The following VLDLR variants were observed in gnomAD, a reference collection of about 807,000 sequenced individuals.
The protein encoded by VLDLR is very low-density lipoprotein receptor.
VLDLR carries 81 observed loss-of-function variants against 112.7 expected under a neutral mutation model. The observed-to-expected ratio is 0.72, with a 90% CI of 0.60 to 0.86. The LOEUF (loss-of-function observed/expected upper bound fraction) is 0.86. Among genes scored for constraint, VLDLR ranks in the 40% least tolerant of loss-of-function variants. VLDLR has a pLI of 0.00. For synonymous variants in VLDLR, 436 were observed against 384.8 expected, an observed-to-expected ratio of 1.13 and a Z score of -1.56; for missense variants, 1,237 against 1,099.4, an observed-to-expected ratio of 1.13 and a Z score of -1.77.
intron 2 of VLDLR, among the ~76,000 whole-genome samples, chr9:2,636,187 C>T (rs1817594575): frequency 6.6e-6 from 1 of 152,196 alleles, no homozygotes. Flanking sequence ...TGTATGCAAT[C>T]TATACAACCT....
intron 1 of VLDLR, among the ~76,000 whole-genome samples, chr9:2,632,241 G>A (rs1425015989): frequency 6.6e-6 from 1 of 152,128 alleles, no homozygotes; most frequent in Non-Finnish European, 1.5e-5. Context: ...AGAGGCAGAG[G>A]TGGAACACCC....
At chr9:2,640,605 C>T (rs35486699) in intron 3 of VLDLR, among the ~76,000 whole-genome samples, 3,319 of 152,140 alleles carry the variant, frequency 0.022, 124 homozygotes, top group African/African-American at 0.075. Context: ...TGAGATCACA[C>T]GAATGTCAAG....
At chr9:2,647,370 A>G in intron 11 of VLDLR, 104 bp from the exon 12 acceptor site, 1 of 874,952 alleles carries the variant, frequency 1.1e-6, no homozygotes, top group Non-Finnish European at 1.9e-6. Context: ...GTCACTAGAG[A>G]ATGCCTTGAG....
chr9:2,622,257 G>A lies in VLDLR; in HGVS notation c.68G>A (p.Gly23Asp). The A allele has an allele frequency of 1.3e-6, 2 of 1,491,998 alleles. No individual in the cohort carries two copies. Among genetic ancestry groups the A allele is most frequent in the Non-Finnish European group, 1.8e-6 (2 of 1,127,452 alleles). 92.4% of individuals were successfully genotyped at this position (1,491,998 alleles called of 1,614,324 possible). ...LALCWAPRES[G>D]ATGTGRKAKC... is the part of the protein sequence containing the mutation. ...CTGTGCTGGGCGCCCCGGGAGAGCG[G>A]CGCCACCGGAACCGGTGAGTGAGGA... Residue 23 changes from glycine (G) to aspartate (D), a missense_variant, in exon 1 of 19, where the codon GGC (glycine) becomes GAC (aspartate). Coordinates refer to ENST00000382100, the MANE Select transcript of VLDLR (RefSeq NM_003383.5).
intron 1 of VLDLR, among the ~76,000 whole-genome samples, chr9:2,626,347 C>T (rs1326911094): frequency 1.3e-5 from 2 of 152,180 alleles, no homozygotes; most frequent in East Asian, 1.9e-4. Flanking sequence ...CAACTTGTCA[C>T]GTGATGTCAG....
Position 2,650,407 on chromosome 9 carries a change from A to T in VLDLR, c.2142A>T (p.Gly714=), listed in dbSNP as rs773998105. ...NWCEEDMENG[G]CEYLCLPAPQ... ...GTGAAGAAGACATGGAGAATGGAGG[A>T]TGTGAATACCTATGCCTGCCAGCAC... is the stretch of plus-strand genomic sequence containing the variant. Residue 714 remains glycine (G), a synonymous_variant, in exon 15 of 19, where the codon GGA becomes GGT. Coordinates refer to ENST00000382100, the MANE Select transcript of VLDLR (RefSeq NM_003383.5). 1.2e-6 allele frequency: 2 copies of T among 1,614,130 alleles called. No individual in the cohort carries two copies. The highest frequency in any genetic ancestry group is 1.1e-5 in the South Asian group (1 of 91,074).
In VLDLR at chr9:2,641,574, C is replaced by G; in HGVS notation, c.448+75C>G. 6.2e-6 allele frequency: 10 copies of G among 1,606,766 alleles called. No homozygotes were observed. The South Asian group carries it at 8.9e-5, about 14-fold the overall frequency. On this transcript the variant is annotated intron_variant, in intron 4 of 18. Transcript: ENST00000382100. ...GGAAGGGTGGGCAGGGGAAACTAAT[C>G]TAAGCCTGAAGACGCACTGACATTG...
intron 1 of VLDLR, among the ~76,000 whole-genome samples, chr9:2,623,426 C>T (rs1816930699): frequency 6.6e-6 from 1 of 151,926 alleles, no homozygotes; most frequent in Non-Finnish European, 1.5e-5. Flanking sequence ...CCCTTAACAC[C>T]CGTTCCAGAG....
At chr9:2,634,950 T>C (rs1001277813) in intron 1 of VLDLR, among the ~76,000 whole-genome samples, 1 of 152,218 alleles carries the variant, frequency 6.6e-6, no homozygotes, top group Non-Finnish European at 1.5e-5. Flanking sequence ...TGGCTGATTA[T>C]AGCCACACAC....
At chr9:2,625,152 C>G (rs1464507333) in intron 1 of VLDLR, among the ~76,000 whole-genome samples, 1 of 152,170 alleles carries the variant, frequency 6.6e-6, no homozygotes, top group South Asian at 2.1e-4. Context: ...ATTGAATAAC[C>G]GTAAACTTGA....
intron 6 of VLDLR, 23 bp from the exon 7 acceptor site, chr9:2,643,814 C>G (rs1817936126): frequency 1.2e-6 from 2 of 1,614,212 alleles, no homozygotes; most frequent in Middle Eastern, 1.6e-4. Context: ...CATGGAATCT[C>G]TCTTCTTTGT....
In VLDLR at chr9:2,652,858, T is replaced by A. The variant is rs1586661740; in HGVS notation, c.2495T>A (p.Phe832Tyr). The change falls in exon 18 of 19, where the codon TTT (phenylalanine) becomes TAT (tyrosine). Residue 832 changes from phenylalanine to tyrosine, a missense_variant. Physicochemically the swap from Phe to Tyr is conservative, Grantham distance 22. Coordinates refer to ENST00000382100, the MANE Select transcript of VLDLR (RefSeq NM_003383.5). The part of the protein sequence containing the change: ...WQHKNMKSMN[F>Y]DNPVYLKTTE... ...CACAAGAACATGAAAAGCATGAACT[T>A]TGACAATCCTGTGTACTTGAAAACC... 1 of 1,614,142 alleles carries A rather than the reference T, an allele frequency of 6.2e-7. No homozygotes were observed. The highest frequency in any genetic ancestry group is 1.6e-4 in the Middle Eastern group (1 of 6,062).
chr9:2,653,013 G>T, intron 18 of VLDLR, 64 bp downstream of exon 18: 3 of 1,600,652 alleles, frequency 1.9e-6, no homozygotes, highest in Non-Finnish European at 2.6e-6. Context: ...AAGGAGACCT[G>T]GGTGAGAGAG....
At chr9:2,650,751 A>G (rs1252747470) in intron 15 of VLDLR, among the ~76,000 whole-genome samples, 1 of 152,172 alleles carries the variant, frequency 6.6e-6, no homozygotes, top group African/African-American at 2.4e-5. Context: ...ACTAATTTGT[A>G]CCTAGTCCCT....
intron 4 of VLDLR, among the ~76,000 whole-genome samples, chr9:2,642,642 G>C (rs1817879437): frequency 6.6e-6 from 1 of 152,194 alleles, no homozygotes; most frequent in Non-Finnish European, 1.5e-5. Context: ...TTTCAAAATG[G>C]AAAGTGTTTA....
chr9:2,659,160 C>T lies in VLDLR; in HGVS notation c.*5292C>T, dbSNP rs887615451. ...TCTTTTACTTGCTCTTCACAGCAAC[C>T]CTAATAGGTATCTCCATTTTACATA... On this transcript the variant is annotated 3_prime_UTR_variant, in exon 19 of 19. Transcript: ENST00000382100. The T allele has an allele frequency of 1.3e-5, 2 of 152,134 alleles. No homozygotes were observed. The highest frequency in any genetic ancestry group is 4.8e-5 in the African/African-American group (2 of 41,408). The allele number at this position is 152,134 out of a possible 1,614,324, so 9.4% of individuals were successfully genotyped here.
At chr9:2,627,467 G>A (rs1469986580) in intron 1 of VLDLR, among the ~76,000 whole-genome samples, 2 of 152,160 alleles carry the variant, frequency 1.3e-5, no homozygotes, top group African/African-American at 2.4e-5. Flanking sequence ...CTTCTCAGGT[G>A]TTGGAACCTC....
At chr9:2,629,904 C>A (rs1227910639) in intron 1 of VLDLR, among the ~76,000 whole-genome samples, 1 of 152,232 alleles carries the variant, frequency 6.6e-6, no homozygotes, top group Non-Finnish European at 1.5e-5. Flanking sequence ...TCAAACAATT[C>A]TCCTGCATCA....
intron 1 of VLDLR, among the ~76,000 whole-genome samples, chr9:2,631,454 T>C (rs1435492570): frequency 6.6e-6 from 1 of 152,172 alleles, no homozygotes; most frequent in Non-Finnish European, 1.5e-5. Context: ...ATATGGTACA[T>C]ATACACAATG....
Sources: allele counts gnomAD v4.1 joint callset (sites outside exome capture counted in the v4.1 genomes callset), GRCh38; gene constraint gnomAD v4.1.1; transcripts MANE v1.5; gene names NCBI Gene and HGNC (gene_info 2026-07-23, HGNC 2026-07-21).